The following PDE3A variants were observed in gnomAD, a reference collection of about 807,000 sequenced individuals.
PDE3A encodes phosphodiesterase 3A.
A neutral mutation model predicts 98.3 loss-of-function variants in PDE3A; 43 were observed. That is an observed-to-expected ratio of 0.44 (90% CI 0.34 to 0.56). The LOEUF (loss-of-function observed/expected upper bound fraction) is 0.56. Among genes scored for constraint, PDE3A ranks in the 20% least tolerant of loss-of-function variants. The pLI is 0.01. For synonymous variants in PDE3A, 663 were observed against 567.9 expected (o/e 1.17, Z -2.38); for missense variants, 1,427 against 1,440.7 (o/e 0.99, Z 0.15).
At chr12:20,630,981 A>AT (rs1944364904) in intron 6 of PDE3A, among the ~76,000 whole-genome samples, 1 of 152,216 alleles carries the variant, frequency 6.6e-6, no homozygotes. Context: ...ATAGACTCAG[A>AT]TTTTTTCATT....
At chr12:20,556,366 C>A (rs1221243050) in intron 1 of PDE3A, among the ~76,000 whole-genome samples, 1 of 152,010 alleles carries the variant, frequency 6.6e-6, no homozygotes, top group East Asian at 1.9e-4. Flanking sequence ...TAATAATATG[C>A]AAATAAAGCT....
intron 1 of PDE3A, among the ~76,000 whole-genome samples, chr12:20,519,930 G>T (rs879734160): frequency 6.6e-6 from 1 of 152,040 alleles, no homozygotes; most frequent in Admixed American, 6.6e-5. Context: ...ATCTCACATC[G>T]GTTTTCTCCA....
intron 1 of PDE3A, among the ~76,000 whole-genome samples, chr12:20,548,166 G>A (rs1942103178): frequency 6.6e-6 from 1 of 152,078 alleles, no homozygotes; most frequent in Non-Finnish European, 1.5e-5. Context: ...TTTCAAGGAA[G>A]TTTACTTTGT....
At chr12:20,398,893 G>A (rs535786168) in intron 1 of PDE3A, among the ~76,000 whole-genome samples, 1 of 151,900 alleles carries the variant, frequency 6.6e-6, no homozygotes, top group East Asian at 1.9e-4. Context: ...TACATTGTTG[G>A]GCAACTGAAA....
intron 2 of PDE3A, among the ~76,000 whole-genome samples, chr12:20,610,432 T>C (rs1189929121): frequency 6.6e-6 from 1 of 151,962 alleles, no homozygotes; most frequent in East Asian, 1.9e-4. Flanking sequence ...AAGGGAACCC[T>C]AGAACACTGC....
intron 1 of PDE3A, among the ~76,000 whole-genome samples, chr12:20,478,353 T>A (rs1230386456): frequency 1.3e-5 from 2 of 152,200 alleles, no homozygotes; most frequent in African/African-American, 4.8e-5. Context: ...ATACATAACC[T>A]AGGCAGCCAT....
chr12:20,653,984 C>T lies in PDE3A; in HGVS notation c.2963C>T (p.Pro988Leu), dbSNP rs1237433248. 1 of 1,613,962 alleles carries T rather than the reference C, an allele frequency of 6.2e-7. No homozygotes were observed. The highest frequency in any genetic ancestry group is 8.5e-7 in the Non-Finnish European group (1 of 1,179,996). Residue 988 changes from proline to leucine, a missense_variant, in exon 15 of 16, where the codon CCC (proline) becomes CTC (leucine). By Grantham distance (98) the Pro-to-Leu change is moderately conservative. Coordinates refer to ENST00000359062, the MANE Select transcript of PDE3A (RefSeq NM_000921.5). ...GCCAGCCTTGGATTACCCATAAGCC[C>T]CTTCATGGATCGTTCTGCTCCTCAG... ...EEASLGLPIS[P>L]FMDRSAPQLA...
rs61380111 is a variant in PDE3A, at chr12:20,392,759, A to C, written c.960+22515A>C. On this transcript the variant is annotated intron_variant, in intron 1 of 15. Coordinates refer to ENST00000359062, the MANE Select transcript of PDE3A (RefSeq NM_000921.5). The stretch of plus-strand genomic sequence containing the variant: ...CTATCAACAGATGAATAGATGCAGA[A>C]CATGTGGTATATAAACACAATGGAA... Among the ~76,000 whole-genome samples the C allele has an allele frequency of 1.0e-3, 158 of 152,210 alleles. 1 individual carries two copies. The highest frequency in any genetic ancestry group is 3.8e-3 in the African/African-American group (157 of 41,544).
intron 1 of PDE3A, among the ~76,000 whole-genome samples, chr12:20,498,852 TTTCC>T (rs1321740994): frequency 6.6e-6 from 1 of 152,190 alleles, no homozygotes. Flanking sequence ...CCTTGCTTTC[TTTCC>T]TTCCTTCTTC....
rs201349419 is a variant in PDE3A, at chr12:20,635,067, A to G, written c.2001+11A>G. ...ACCATGATGTTTCTGGTAGTCCCAT[A>G]TCACTTAACTCACTCATTTACTTGA... On this transcript the variant is annotated intron_variant, in intron 8 of 15. Coordinates refer to ENST00000359062, the MANE Select transcript of PDE3A (RefSeq NM_000921.5). 6 of 1,603,598 alleles carry G rather than the reference A, an allele frequency of 3.7e-6. No homozygotes were observed. The highest frequency in any genetic ancestry group is 3.5e-5 in the Admixed American group (2 of 57,458).
chr12:20,536,168 T>C (rs1941743014), intron 1 of PDE3A, among the ~76,000 whole-genome samples: 1 of 152,130 alleles, frequency 6.6e-6, no homozygotes, highest in African/African-American at 2.4e-5. Context: ...CTATTAGAAA[T>C]AAGCCATGCT....
chr12:20,622,489 G>A (rs1035520785), intron 5 of PDE3A, among the ~76,000 whole-genome samples: 1 of 151,988 alleles, frequency 6.6e-6, no homozygotes, highest in Admixed American at 6.6e-5. Context: ...GACCATTAAG[G>A]TAATCTACTT....
chr12:20,519,929 C>T (rs1245161818), intron 1 of PDE3A, among the ~76,000 whole-genome samples: 10 of 152,114 alleles, frequency 6.6e-5, no homozygotes, highest in East Asian at 1.9e-4. Flanking sequence ...CATCTCACAT[C>T]GGTTTTCTCC....
At chr12:20,627,629 CT>C (rs1418244638) in intron 5 of PDE3A, among the ~76,000 whole-genome samples, 1 of 149,312 alleles carries the variant, frequency 6.7e-6, no homozygotes, top group East Asian at 2.0e-4. Flanking sequence ...CATTTCTGTT[CT>C]TCCCTGCCTT....
intron 1 of PDE3A, among the ~76,000 whole-genome samples, chr12:20,423,388 T>C (rs973170262): frequency 1.3e-5 from 2 of 152,232 alleles, no homozygotes; most frequent in Non-Finnish European, 2.9e-5. Context: ...ATATCTGTTT[T>C]AGTTGACTTC....
intron 1 of PDE3A, among the ~76,000 whole-genome samples, chr12:20,443,341 A>G (rs1944900837): frequency 6.6e-6 from 1 of 152,130 alleles, no homozygotes; most frequent in Non-Finnish European, 1.5e-5. Context: ...GAGCTTGACT[A>G]TCTGCATAGA....
chr12:20,430,558 G>A (rs2120798202), intron 1 of PDE3A, among the ~76,000 whole-genome samples: 1 of 152,018 alleles, frequency 6.6e-6, no homozygotes, highest in East Asian at 1.9e-4. Context: ...TTGGGGGCAG[G>A]GTGCATTATT....
intron 1 of PDE3A, among the ~76,000 whole-genome samples, chr12:20,428,860 C>G (rs1343573098): frequency 6.6e-6 from 1 of 152,132 alleles, no homozygotes; most frequent in African/African-American, 2.4e-5. Flanking sequence ...TAACTTTGGT[C>G]ATCTGAAATA....
intron 8 of PDE3A, 117 bp downstream of exon 8, chr12:20,635,173 C>T: frequency 2.3e-6 from 2 of 877,832 alleles, no homozygotes; most frequent in Non-Finnish European, 3.5e-6. Context: ...GTAATCCCAA[C>T]ATTTTGGGAG....
Sources: gnomAD v4.1 joint callset for allele counts (sites outside exome capture counted in the v4.1 genomes callset) on GRCh38, gnomAD v4.1.1 for gene constraint, MANE v1.5 for transcripts, NCBI Gene and HGNC (gene_info 2026-07-23, HGNC 2026-07-21) for gene names.